Variants in SHC4 observed in about 807,000 individuals in gnomAD.
The protein encoded by SHC4 is SHC adaptor protein 4, also known as SHC-transforming protein 4.
A neutral mutation model predicts 69.4 loss-of-function variants in SHC4; 41 were observed. The observed-to-expected ratio is 0.59, with a 90% CI of 0.46 to 0.77. The LOEUF (loss-of-function observed/expected upper bound fraction) is 0.77, where lower values mean the gene tolerates loss of function less well. Ranked by LOEUF, SHC4 falls within the 30% of genes least tolerant of loss-of-function variation. The pLI, the probability that SHC4 is intolerant of heterozygous loss-of-function variation, is 0.00. For missense variants in SHC4, 777 were observed against 783.8 expected (o/e 0.99, Z 0.10); for synonymous variants, 318 against 299.3 (o/e 1.06, Z -0.64).
chr15:48,840,819 C>T (rs180935352), intron 10 of SHC4, among the ~76,000 whole-genome samples: 9 of 152,116 alleles, frequency 5.9e-5, no homozygotes, highest in East Asian at 1.9e-4. Flanking sequence ...AGCCCAAGAG[C>T]GCTATGGTAC....
At chr15:48,876,884 T>C (rs1225640262) in intron 4 of SHC4, 2 of 225,614 alleles carry the variant, frequency 8.9e-6, no homozygotes, top group Non-Finnish European at 8.9e-6. Flanking sequence ...TCCAATCAAG[T>C]TGACACTCAG....
rs151246656 is a variant in SHC4 at position 48,865,040 on chromosome 15, T to C, written c.946+2778A>G. Among the ~76,000 whole-genome samples the C allele has an allele frequency of 6.0e-3, 914 of 152,340 alleles. 6 individuals are homozygous for C. The highest frequency in any genetic ancestry group is 0.018 in the African/African-American group (762 of 41,564). On this transcript the variant is annotated intron_variant, in intron 6 of 11. Coordinates refer to ENST00000332408, the MANE Select transcript of SHC4 (RefSeq NM_203349.4). Reference sequence around the variant, plus strand: ...CTGCTCTTTCACCTGTGTCTTTTTTTACTTACTCCACAAATCCCAAGCATC... The same window carrying C: ...CTGCTCTTTCACCTGTGTCTTTTTTCACTTACTCCACAAATCCCAAGCATC...
intron 1 of SHC4, among the ~76,000 whole-genome samples, chr15:48,949,962 CATATGAA>C (rs1384448571): frequency 7.2e-6 from 1 of 139,326 alleles, no homozygotes; most frequent in South Asian, 2.2e-4. Flanking sequence ...ATAATTTTAA[CATATGAA>C]ATATGAAATA....
At position 48,851,204 on chromosome 15, in the gene SHC4, T is replaced by C. The variant is rs1899208340; in HGVS notation, c.1287A>G (p.Glu429=). The C allele has an allele frequency of 6.2e-7, 1 of 1,613,976 alleles. No homozygotes were observed. Among genetic ancestry groups the C allele is most frequent in the South Asian group, 1.1e-5 (1 of 91,072 alleles). ...TGTACCTACCTATTGCCCTGCTTTG[T>C]TCTAAACAGTTCTCATATACACTGC... is the stretch of plus-strand genomic sequence containing the variant. ...KCSSVYENCL[E]QSRAIGNVHP... is the part of the protein sequence containing the mutation. The change falls in exon 9 of 12, where the codon GAA becomes GAG. Residue 429 remains glutamate, a synonymous_variant. Coordinates refer to ENST00000332408, the MANE Select transcript of SHC4 (RefSeq NM_203349.4).
chr15:48,940,740 C>G (rs1291753729), intron 1 of SHC4, among the ~76,000 whole-genome samples: 1 of 152,176 alleles, frequency 6.6e-6, no homozygotes, highest in Non-Finnish European at 1.5e-5. Flanking sequence ...ACGTCATTCT[C>G]CCTCTATGTC....
At chr15:48,928,722 C>A (rs1456665233) in intron 1 of SHC4, among the ~76,000 whole-genome samples, 1 of 152,060 alleles carries the variant, frequency 6.6e-6, no homozygotes, top group Non-Finnish European at 1.5e-5. Context: ...CTTCGGGATC[C>A]CCTTCCCTTC....
At chr15:48,959,450 A>T (rs897433036) in intron 1 of SHC4, among the ~76,000 whole-genome samples, 1 of 152,246 alleles carries the variant, frequency 6.6e-6, no homozygotes, top group Non-Finnish European at 1.5e-5. Flanking sequence ...TAATTGATTC[A>T]TAATACATAT....
At chr15:48,846,563 C>A (rs1899096554) in intron 9 of SHC4, among the ~76,000 whole-genome samples, 1 of 152,124 alleles carries the variant, frequency 6.6e-6, no homozygotes, top group African/African-American at 2.4e-5. Flanking sequence ...CCTTCCCTCC[C>A]TAAGGTTGGG....
chr15:48,944,788 G>A (rs1049755899), intron 1 of SHC4, among the ~76,000 whole-genome samples: 3 of 152,106 alleles, frequency 2.0e-5, no homozygotes, highest in African/African-American at 7.2e-5. Flanking sequence ...CTGTGAAAAG[G>A]TTTCTTACTC....
chr15:48,920,817 A>T (rs1595758011), intron 2 of SHC4, among the ~76,000 whole-genome samples: 1 of 152,142 alleles, frequency 6.6e-6, no homozygotes, highest in Non-Finnish European at 1.5e-5. Flanking sequence ...GGCATGGTGG[A>T]TCATGCCTGT....
At chr15:48,919,620 A>T (rs1197727243) in intron 2 of SHC4, among the ~76,000 whole-genome samples, 2 of 151,626 alleles carry the variant, frequency 1.3e-5, no homozygotes, top group African/African-American at 4.8e-5. Flanking sequence ...TCCCTGCCCA[A>T]ATGTTGCCAC....
chr15:48,937,612 A>G (rs1901097376), intron 1 of SHC4, among the ~76,000 whole-genome samples: 1 of 152,236 alleles, frequency 6.6e-6, no homozygotes, highest in Middle Eastern at 3.4e-3. Context: ...AGATAGATAG[A>G]TAGATAGATA....
In SHC4 at chr15:48,826,106, T is replaced by C. The variant is rs557606321; in HGVS notation, c.1758A>G (p.Val586=). 2.1e-5 allele frequency: 34 copies of C among 1,613,092 alleles called. 1 individual carries two copies. In the South Asian group the frequency reaches 3.6e-4, roughly 17 times the overall value. Reference sequence around the variant, plus strand: ...TGATAAGGTGGCCGACATTATCAAATACATGATCCTTGGTCCTCACCTTGA... The same window carrying C: ...TGATAAGGTGGCCGACATTATCAAACACATGATCCTTGGTCCTCACCTTGA... The part of the protein sequence containing the change: ...PEGKVRTKDH[V]FDNVGHLIRY... Residue 586 remains valine (V), a synonymous_variant, in exon 12 of 12, where the codon GTA becomes GTG. Transcript: ENST00000332408.
chr15:48,897,741 C>T (rs1459799908), intron 2 of SHC4, among the ~76,000 whole-genome samples: 3 of 90,964 alleles, frequency 3.3e-5, no homozygotes, highest in Non-Finnish European at 6.5e-5. Context: ...ATGATCCCCA[C>T]ATCCCCCACC....
intron 8 of SHC4, among the ~76,000 whole-genome samples, chr15:48,851,467 T>TG (rs985091905): frequency 1.4e-4 from 21 of 152,250 alleles, no homozygotes; most frequent in African/African-American, 4.8e-4. Context: ...CTGATTCGGC[T>TG]GGGGGGTTCT....
intron 6 of SHC4, among the ~76,000 whole-genome samples, chr15:48,860,458 G>A (rs1190326317): frequency 1.3e-5 from 2 of 152,136 alleles, no homozygotes; most frequent in Admixed American, 6.5e-5. Flanking sequence ...AGTGGGCCAA[G>A]ATGGCGTCAT....
At chr15:48,891,910 A>G (rs576052098) in intron 2 of SHC4, among the ~76,000 whole-genome samples, 2 of 152,058 alleles carry the variant, frequency 1.3e-5, no homozygotes, top group Non-Finnish European at 2.9e-5. Flanking sequence ...GCTGGAGTGC[A>G]GTGGCGCGAT....
chr15:48,858,064 G>T (rs1282448579), intron 6 of SHC4, among the ~76,000 whole-genome samples: 1 of 152,134 alleles, frequency 6.6e-6, no homozygotes, highest in Non-Finnish European at 1.5e-5. Context: ...GCAGGGATTT[G>T]GGGGCCACAT....
At chr15:48,870,025 A>G (rs1445583223) in intron 5 of SHC4, among the ~76,000 whole-genome samples, 1 of 152,254 alleles carries the variant, frequency 6.6e-6, no homozygotes, top group Admixed American at 6.5e-5. Flanking sequence ...AATAACAGAA[A>G]TCATTCAGGG....
Sources: gnomAD v4.1 joint callset for allele counts (sites outside exome capture counted in the v4.1 genomes callset) on GRCh38, gnomAD v4.1.1 for gene constraint, MANE v1.5 for transcripts, NCBI Gene and HGNC (gene_info 2026-07-23, HGNC 2026-07-21) for gene names.